The following SVOP variants were observed in gnomAD, a reference collection of about 807,000 sequenced individuals.
SVOP encodes the protein SV2 related protein.
A neutral mutation model predicts 69.1 loss-of-function variants in SVOP; 17 were observed. That is an observed-to-expected ratio of 0.25 (90% CI 0.17 to 0.37). The LOEUF is 0.37. Ranked by LOEUF, SVOP falls within the 10% of genes least tolerant of loss-of-function variation. The pLI, the probability that SVOP is intolerant of heterozygous loss-of-function variation, is 1.00. For synonymous variants in SVOP, 238 were observed against 238.6 expected (o/e 1.00, Z 0.02); for missense variants, 435 against 597.5 (o/e 0.73, Z 2.84).
At chr12:108,940,746 C>T (rs756381529) in intron 8 of SVOP, 38 bp downstream of exon 8, 33 of 1,530,360 alleles carry the variant, frequency 2.2e-5, no homozygotes, top group African/African-American at 2.7e-5. Flanking sequence ...AGTAAGATGT[C>T]AGACAGCAAA....
rs1593186019 is a variant in SVOP, at chr12:108,945,021, C to T, written c.642+82G>A. ...ATGTTTTTTTCTTAAACTCCCTTTTCCTTGACCTGTGGTTCAAGACATCTG... is the reference window on the plus strand; with the variant it reads ...ATGTTTTTTTCTTAAACTCCCTTTTTCTTGACCTGTGGTTCAAGACATCTG... On this transcript the variant is annotated intron_variant, in intron 7 of 15. Coordinates refer to ENST00000610966, the MANE Select transcript of SVOP (RefSeq NM_018711.5). The T allele has an allele frequency of 3.0e-6, 4 of 1,317,218 alleles. No individual in the cohort carries two copies. The African/African-American group carries it at 5.9e-5, about 19-fold the overall frequency. The allele number at this position is 1,317,218 out of a possible 1,614,324, so 81.6% of individuals were successfully genotyped here. A position where few individuals can be genotyped will look rare whatever the true frequency, so the allele number is the denominator to read the frequency against.
chr12:109,003,346 ACT>A (rs1478391539), intron 1 of SVOP, among the ~76,000 whole-genome samples: 2 of 152,228 alleles, frequency 1.3e-5, no homozygotes, highest in Non-Finnish European at 2.9e-5. Context: ...AACAACAGCA[ACT>A]ATTGACCGTG....
At chr12:108,929,729 C>T (rs553250581) in intron 11 of SVOP, among the ~76,000 whole-genome samples, 97 of 152,284 alleles carry the variant, frequency 6.4e-4, no homozygotes, top group African/African-American at 2.2e-3. Context: ...TGAATACTTG[C>T]GTATACAGAA....
Position 108,909,330 on chromosome 12 carries a change from A to T in SVOP, c.*3205T>A, listed in dbSNP as rs945859583. ...CAGGAGTTTGAGACCAGCCTGACCAACATGGTGAAACCTTGTCTATACTAA... is the reference window on the plus strand; with the variant it reads ...CAGGAGTTTGAGACCAGCCTGACCATCATGGTGAAACCTTGTCTATACTAA... On this transcript the variant is annotated 3_prime_UTR_variant, in exon 16 of 16. Coordinates refer to ENST00000610966, the MANE Select transcript of SVOP (RefSeq NM_018711.5). 3 of 152,170 alleles carry T rather than the reference A, an allele frequency of 2.0e-5. No individual in the cohort carries two copies. The highest frequency in any genetic ancestry group is 2.9e-5 in the Non-Finnish European group (2 of 68,038). 9.4% of individuals were successfully genotyped at this position (152,170 alleles called of 1,614,324 possible). A position where few individuals can be genotyped will look rare whatever the true frequency, so the allele number is the denominator to read the frequency against.
chr12:108,933,379 A>ATAT (rs1566050762), intron 11 of SVOP, among the ~76,000 whole-genome samples: 1 of 150,664 alleles, frequency 6.6e-6, no homozygotes, highest in Non-Finnish European at 1.5e-5. Flanking sequence ...CTTGTCTCAA[A>ATAT]AATAATAATA....
intron 6 of SVOP, among the ~76,000 whole-genome samples, chr12:108,953,771 C>T (rs2039969873): frequency 6.6e-6 from 1 of 152,068 alleles, no homozygotes; most frequent in Non-Finnish European, 1.5e-5. Flanking sequence ...CTAAATATTT[C>T]TTCTGCAATT....
chr12:109,005,277 G>A lies in SVOP; in HGVS notation c.35+15557C>T, dbSNP rs1030493459. Among the ~76,000 whole-genome samples, 6 of 152,170 alleles carry A rather than the reference G, an allele frequency of 3.9e-5. No homozygotes were observed. In the East Asian group the frequency reaches 7.7e-4, roughly 19 times the overall value. On this transcript the variant is annotated intron_variant, in intron 1 of 15. Coordinates refer to ENST00000610966, the MANE Select transcript of SVOP (RefSeq NM_018711.5). ...TACCCACACCATTCAGTACCTGTGT[G>A]ACCCTGGGTAGTTTACTTTGCTTCT...
Position 108,945,088 on chromosome 12 carries a change from C to A in SVOP, c.642+15G>T. The A allele has an allele frequency of 6.5e-7, 1 of 1,536,756 alleles. No homozygotes were observed. The highest frequency in any genetic ancestry group is 1.2e-5 in the South Asian group (1 of 84,048). On this transcript the variant is annotated intron_variant, in intron 7 of 15. Coordinates refer to ENST00000610966, the MANE Select transcript of SVOP (RefSeq NM_018711.5). ...ATCCACATGCTCTAGAGACCCAGGCCGCTCTCCTCCTTACCTCAATCAGCA... is the reference window on the plus strand; with the variant it reads ...ATCCACATGCTCTAGAGACCCAGGCAGCTCTCCTCCTTACCTCAATCAGCA...
chr12:108,964,309 C>T (rs2040033242), intron 5 of SVOP, among the ~76,000 whole-genome samples: 1 of 152,018 alleles, frequency 6.6e-6, no homozygotes, highest in African/African-American at 2.4e-5. Flanking sequence ...AACATTTTTG[C>T]ACTCCTAAAT....
rs979490666 is a variant in SVOP at position 108,911,138 on chromosome 12, T to C, written c.*1397A>G. The stretch of plus-strand genomic sequence containing the variant: ...CTGCTTCCTTTGAAAACATATACAT[T>C]TCACACACCTGAGTCCTCCCACCCC... On this transcript the variant is annotated 3_prime_UTR_variant, in exon 16 of 16. Transcript: ENST00000610966. The C allele has an allele frequency of 6.6e-6, 1 of 152,136 alleles. No homozygotes were observed. The highest frequency in any genetic ancestry group is 1.5e-5 in the Non-Finnish European group (1 of 68,086). 9.4% of individuals were successfully genotyped at this position (152,136 alleles called of 1,614,324 possible).
At chr12:108,989,438 A>G (rs2040186098) in intron 1 of SVOP, among the ~76,000 whole-genome samples, 2 of 151,760 alleles carry the variant, frequency 1.3e-5, no homozygotes, top group Admixed American at 1.3e-4. Flanking sequence ...CCCACTGGAA[A>G]GCAGGAGGAA....
At chr12:109,007,023 G>A (rs1451342222) in intron 1 of SVOP, among the ~76,000 whole-genome samples, 4 of 151,876 alleles carry the variant, frequency 2.6e-5, no homozygotes, top group African/African-American at 9.7e-5. Flanking sequence ...TTGGAGAGGT[G>A]GAGGGCTGAG....
chr12:108,984,604 T>A (rs2137439294), intron 1 of SVOP, among the ~76,000 whole-genome samples: 1 of 152,322 alleles, frequency 6.6e-6, no homozygotes, highest in East Asian at 1.9e-4. Flanking sequence ...TCAGGCCCTG[T>A]AGACATTTGA....
intron 1 of SVOP, among the ~76,000 whole-genome samples, chr12:109,008,960 C>CTTTTTTTTTTTT (rs71079510): frequency 2.7e-5 from 3 of 112,748 alleles, no homozygotes; most frequent in African/African-American, 1.1e-4. Context: ...TCTTTTCTTT[C>CTTTTTTTTTTTT]TTTTTTTTTT....
At chr12:108,939,126 G>A (rs2039873906) in intron 8 of SVOP, among the ~76,000 whole-genome samples, 171 bp from the exon 9 acceptor site, 1 of 152,132 alleles carries the variant, frequency 6.6e-6, no homozygotes, top group Non-Finnish European at 1.5e-5. Flanking sequence ...GTGTGACCCT[G>A]TACAATTACT....
At chr12:108,917,803 C>T (rs1040144612) in intron 14 of SVOP, among the ~76,000 whole-genome samples, 1 of 152,136 alleles carries the variant, frequency 6.6e-6, no homozygotes, top group African/African-American at 2.4e-5. Flanking sequence ...CCACCACAGC[C>T]TGGCTCATTT....
In SVOP at chr12:108,919,795, G is replaced by C; in HGVS notation, c.1157-9C>G. On this transcript the variant is annotated splice_polypyrimidine_tract_variant and intron_variant, in intron 12 of 15. Transcript: ENST00000610966. ...CAGAGTCACAAGGACACCTGGAAGG[G>C]GAGTGGGGAGAGATAGGCAGCTTCC... 1 of 1,570,962 alleles carries C rather than the reference G, an allele frequency of 6.4e-7. No homozygotes were observed.
rs141135199 is a variant in SVOP, at chr12:108,919,796, G to A, written c.1157-10C>T. On this transcript the variant is annotated splice_polypyrimidine_tract_variant and intron_variant, in intron 12 of 15. Coordinates refer to ENST00000610966, the MANE Select transcript of SVOP (RefSeq NM_018711.5). ...AGAGTCACAAGGACACCTGGAAGGG[G>A]AGTGGGGAGAGATAGGCAGCTTCCG... 1.5e-5 allele frequency: 23 copies of A among 1,567,064 alleles called. No homozygotes were observed. The highest frequency in any genetic ancestry group is 3.7e-5 in the Admixed American group (2 of 54,016).
intron 6 of SVOP, among the ~76,000 whole-genome samples, chr12:108,953,127 T>C (rs187924122): frequency 4.8e-4 from 71 of 148,192 alleles, no homozygotes; most frequent in Admixed American, 1.2e-3. Flanking sequence ...TCCTTAATGA[T>C]CTAATTGACT....
Sources: allele counts gnomAD v4.1 joint callset (sites outside exome capture counted in the v4.1 genomes callset), GRCh38; gene constraint gnomAD v4.1.1; transcripts MANE v1.5; gene names NCBI Gene and HGNC (gene_info 2026-07-23, HGNC 2026-07-21).